CEP112: variants seen among roughly 807,000 people sequenced by gnomAD.
The protein encoded by CEP112 is centrosomal protein 112.
In CEP112, 127 loss-of-function variants were observed where a neutral mutation model predicts 153.0. The observed-to-expected ratio is 0.83, with a 90% CI of 0.72 to 0.96. The LOEUF is 0.96. Among genes scored for constraint, CEP112 ranks in the 40% least tolerant of loss-of-function variants. CEP112 has a pLI of 0.00. For missense variants in CEP112, 1,089 were observed against 1,101.2 expected (o/e 0.99, Z 0.16); for synonymous variants, 358 against 374.4 (o/e 0.96, Z 0.51).
At chr17:65,661,455 C>A (rs1040062535) in intron 24 of CEP112, among the ~76,000 whole-genome samples, 6 of 152,178 alleles carry the variant, frequency 3.9e-5, no homozygotes, top group Admixed American at 3.9e-4. Context: ...AAGAAATAGG[C>A]TTATCCATAG....
At chr17:65,927,923 A>T (rs2060987584) in intron 18 of CEP112, among the ~76,000 whole-genome samples, 1 of 152,196 alleles carries the variant, frequency 6.6e-6, no homozygotes, top group South Asian at 2.1e-4. Flanking sequence ...AATTACAACA[A>T]TAATGCAGTG....
At chr17:66,068,212 A>G (rs1315865138) in intron 9 of CEP112, among the ~76,000 whole-genome samples, 3 of 152,170 alleles carry the variant, frequency 2.0e-5, no homozygotes, top group East Asian at 1.9e-4. Context: ...AATCAAGGGG[A>G]AAAAGGAATA....
At chr17:65,864,304 G>A (rs1160994116) in intron 20 of CEP112, among the ~76,000 whole-genome samples, 2 of 152,082 alleles carry the variant, frequency 1.3e-5, no homozygotes, top group African/African-American at 4.8e-5. Flanking sequence ...ATGTTAATGT[G>A]CCTAAGTGTC....
At chr17:66,017,558 T>C (rs1468024884) in intron 16 of CEP112, among the ~76,000 whole-genome samples, 1 of 152,244 alleles carries the variant, frequency 6.6e-6, no homozygotes, top group Non-Finnish European at 1.5e-5. Flanking sequence ...CTGTATTGTT[T>C]AAGAGCCTTT....
chr17:65,821,499 T>C (rs1329579080), intron 21 of CEP112, among the ~76,000 whole-genome samples: 1 of 125,188 alleles, frequency 8.0e-6, no homozygotes, highest in Non-Finnish European at 1.6e-5. Context: ...TATATAATTA[T>C]ATATATATAT....
intron 17 of CEP112, among the ~76,000 whole-genome samples, chr17:65,965,039 T>C (rs1185098405): frequency 6.6e-6 from 1 of 152,206 alleles, no homozygotes; most frequent in Non-Finnish European, 1.5e-5. Context: ...CTTTGTCCTA[T>C]CTATGTTGAA....
At chr17:65,724,385 A>G (rs1466408126) in intron 23 of CEP112, among the ~76,000 whole-genome samples, 2 of 152,224 alleles carry the variant, frequency 1.3e-5, no homozygotes, top group Admixed American at 1.3e-4. Context: ...ATGCGATATT[A>G]TAGATTTCCT....
At chr17:65,731,304 G>C (rs1055614314) in intron 23 of CEP112, among the ~76,000 whole-genome samples, 1 of 152,132 alleles carries the variant, frequency 6.6e-6, no homozygotes, top group Non-Finnish European at 1.5e-5. Flanking sequence ...GTTTCCCAGT[G>C]CATATAAAAA....
At chr17:66,065,423 A>G (rs2146036567) in intron 10 of CEP112, among the ~76,000 whole-genome samples, 1 of 152,200 alleles carries the variant, frequency 6.6e-6, no homozygotes, top group Admixed American at 6.5e-5. Flanking sequence ...TCTGCCTAAC[A>G]GACTTGGAAT....
intron 6 of CEP112, among the ~76,000 whole-genome samples, chr17:66,103,451 T>C (rs995383876): frequency 4.6e-5 from 7 of 152,134 alleles, no homozygotes; most frequent in African/African-American, 1.7e-4. Flanking sequence ...AGATACCTAC[T>C]TACATAGAAC....
At chr17:65,776,727 T>C (rs2053700879) in intron 21 of CEP112, among the ~76,000 whole-genome samples, 1 of 152,188 alleles carries the variant, frequency 6.6e-6, no homozygotes, top group African/African-American at 2.4e-5. Flanking sequence ...TTAAGATAAA[T>C]CCCAGAAAGT....
intron 25 of CEP112, among the ~76,000 whole-genome samples, chr17:65,637,601 T>C (rs2044844878): frequency 6.6e-6 from 1 of 152,256 alleles, no homozygotes; most frequent in African/African-American, 2.4e-5. Flanking sequence ...ACCTCTCCTG[T>C]GGAATCGTTC....
intron 23 of CEP112, among the ~76,000 whole-genome samples, chr17:65,696,413 G>C (rs549058785): frequency 2.1e-4 from 32 of 152,120 alleles, no homozygotes; most frequent in Non-Finnish European, 4.1e-4. Context: ...GAATGCTATA[G>C]TGTTCTGTTA....
rs1259207600 is a variant in CEP112 at position 65,933,120 on chromosome 17, T to C, written c.1873-5431A>G. 2.0e-5 allele frequency among the ~76,000 whole-genome samples: 3 copies of C among 152,068 alleles called. No individual in the cohort carries two copies. The East Asian group carries it at 5.8e-4, about 29-fold the overall frequency. ...AATCAGTGAGTTCAAAGACAGGACA[T>C]TTAAAATTATTGAGTCACAGGAGCA... On this transcript the variant is annotated intron_variant, in intron 18 of 26. Coordinates refer to ENST00000535342, the MANE Select transcript of CEP112 (RefSeq NM_001199165.4).
At chr17:66,045,064 A>C (rs1053108122) in intron 12 of CEP112, among the ~76,000 whole-genome samples, 1 of 140,820 alleles carries the variant, frequency 7.1e-6, no homozygotes, top group African/African-American at 3.1e-5. Flanking sequence ...TTCAAGCTAG[A>C]AACAAAAAAA....
At chr17:66,103,016 C>A (rs1822369) in intron 6 of CEP112, among the ~76,000 whole-genome samples, 2 of 151,932 alleles carry the variant, frequency 1.3e-5, no homozygotes, top group Non-Finnish European at 2.9e-5. Flanking sequence ...CTGAGGTCAG[C>A]AGTTCGAGAC....
chr17:65,821,516 A>ATATATATATATATATAAT (rs1178788309), intron 21 of CEP112, among the ~76,000 whole-genome samples: 33 of 29,020 alleles, frequency 1.1e-3, no homozygotes, highest in African/African-American at 5.1e-3. Flanking sequence ...ATATATAATT[A>ATATATATATATATATAAT]TATATATATA....
At chr17:65,927,387 T>A (rs747095044) in intron 19 of CEP112, among the ~76,000 whole-genome samples, 195 bp downstream of exon 19, 2 of 152,158 alleles carry the variant, frequency 1.3e-5, no homozygotes, top group Non-Finnish European at 2.9e-5. Flanking sequence ...AAACAAACAG[T>A]CAGAATAAAC....
chr17:65,796,054 C>A (rs2054894484), intron 21 of CEP112, among the ~76,000 whole-genome samples: 1 of 152,100 alleles, frequency 6.6e-6, no homozygotes, highest in African/African-American at 2.4e-5. Context: ...GTGCTCCCAA[C>A]AGTTAGAAAG....
Sources: gnomAD v4.1 joint callset for allele counts (sites outside exome capture counted in the v4.1 genomes callset) on GRCh38, gnomAD v4.1.1 for gene constraint, MANE v1.5 for transcripts, NCBI Gene and HGNC (gene_info 2026-07-23, HGNC 2026-07-21) for gene names.